Variants in MYO5B observed in about 807,000 individuals in gnomAD.
The protein encoded by MYO5B is myosin VB, also known as unconventional myosin-Vb.
In MYO5B, 143 loss-of-function variants were observed where a neutral mutation model predicts 229.3. The observed-to-expected ratio is 0.62, with a 90% confidence interval of 0.54 to 0.72. MYO5B has a LOEUF of 0.72. MYO5B is among the 30% of genes least tolerant of loss of function. The pLI is 0.00. For missense variants in MYO5B, 2,321 were observed against 2,331.0 expected, an observed-to-expected ratio of 1.00 and a Z score of 0.09; for synonymous variants, 918 against 885.2, an observed-to-expected ratio of 1.04 and a Z score of -0.66.
chr18:50,168,172 C>T (rs1024541794), intron 1 of MYO5B, among the ~76,000 whole-genome samples: 3 of 152,202 alleles, frequency 2.0e-5, no homozygotes, highest in African/African-American at 7.2e-5. Flanking sequence ...GTGCTCTTGG[C>T]TTCATCACTC....
chr18:49,925,906 C>A (rs940486648), intron 17 of MYO5B, among the ~76,000 whole-genome samples: 1 of 152,210 alleles, frequency 6.6e-6, no homozygotes, highest in Non-Finnish European at 1.5e-5. Context: ...GCCCCATCCC[C>A]TCCATCAAAA....
chr18:49,957,207 A>G, intron 12 of MYO5B, among the ~76,000 whole-genome samples: 1 of 141,432 alleles, frequency 7.1e-6, no homozygotes, highest in African/African-American at 2.7e-5. Context: ...GGGCTCCCTG[A>G]GCCCCTCTCA....
chr18:49,861,381 G>A (rs1343613573), intron 29 of MYO5B, among the ~76,000 whole-genome samples: 5 of 152,130 alleles, frequency 3.3e-5, no homozygotes, highest in Admixed American at 6.5e-5. Flanking sequence ...TCTGAAGATC[G>A]GGGAGATACG....
chr18:50,043,299 A>ATTTATATT lies in MYO5B; in HGVS notation c.139-2986_139-2985insAATATAAA, dbSNP rs1568083160. On this transcript the variant is annotated intron_variant, in intron 2 of 39. Coordinates refer to ENST00000285039, the MANE Select transcript of MYO5B (RefSeq NM_001080467.3). ...ATATTTATATTTATATATTATATATAATATATAATATAAATATATAAAATA... is the reference window on the plus strand; with the variant it reads ...ATATTTATATTTATATATTATATATATTTATATTATATATAATATAAATATATAAAATA... 3.4e-4 allele frequency among the ~76,000 whole-genome samples: 39 copies of ATTTATATT among 113,174 alleles called. 1 individual carries two copies. Among genetic ancestry groups the ATTTATATT allele is most frequent in the South Asian group, 2.6e-3 (11 of 4,196 alleles). The allele number at this position is 113,174 out of a possible 152,430, so 74.2% of individuals were successfully genotyped here.
intron 1 of MYO5B, among the ~76,000 whole-genome samples, chr18:50,124,577 C>T (rs2032126443): frequency 6.6e-6 from 1 of 152,030 alleles, no homozygotes; most frequent in Non-Finnish European, 1.5e-5. Context: ...AAGAATAATA[C>T]CCTGTAACTA....
chr18:50,078,360 C>G (rs980951564), intron 1 of MYO5B, among the ~76,000 whole-genome samples: 2 of 152,154 alleles, frequency 1.3e-5, no homozygotes, highest in African/African-American at 4.8e-5. Flanking sequence ...CGAGAAAGCA[C>G]ATTTTGGTGG....
chr18:50,028,477 G>A (rs2026354766), intron 4 of MYO5B, among the ~76,000 whole-genome samples: 1 of 152,140 alleles, frequency 6.6e-6, no homozygotes, highest in Admixed American at 6.5e-5. Flanking sequence ...TGCTCATAAG[G>A]AATGGCAGTG....
chr18:50,025,366 C>G (rs1598962188), intron 4 of MYO5B, among the ~76,000 whole-genome samples: 1 of 152,144 alleles, frequency 6.6e-6, no homozygotes, highest in East Asian at 1.9e-4. Flanking sequence ...ACCCTTCCTC[C>G]AACCAGTTCA....
intron 4 of MYO5B, among the ~76,000 whole-genome samples, chr18:50,021,710 C>T (rs1018074835): frequency 4.7e-5 from 5 of 105,566 alleles, no homozygotes; most frequent in Non-Finnish European, 9.6e-5. Context: ...CACCCCATCC[C>T]ATCTGCGTAA....
At chr18:49,972,048 G>C (rs2025697843) in intron 10 of MYO5B, among the ~76,000 whole-genome samples, 1 of 152,112 alleles carries the variant, frequency 6.6e-6, no homozygotes, top group Admixed American at 6.6e-5. Flanking sequence ...CCTCATGGAA[G>C]AGCTGTCAGA....
intron 17 of MYO5B, among the ~76,000 whole-genome samples, chr18:49,924,303 C>T (rs779054437): frequency 6.6e-6 from 1 of 152,204 alleles, no homozygotes; most frequent in Non-Finnish European, 1.5e-5. Context: ...GTGTCCAGTG[C>T]TGGCTGAGAA....
intron 1 of MYO5B, among the ~76,000 whole-genome samples, chr18:50,138,620 T>G (rs1439580176): frequency 6.6e-6 from 1 of 151,928 alleles, no homozygotes; most frequent in Non-Finnish European, 1.5e-5. Flanking sequence ...CAGTGAAATG[T>G]TGACCTTTTG....
chr18:50,145,481 G>C (rs182683161), intron 1 of MYO5B, among the ~76,000 whole-genome samples: 3 of 106,340 alleles, frequency 2.8e-5, no homozygotes, highest in African/African-American at 8.5e-5. Flanking sequence ...CTGGGCAACA[G>C]AGCAAGACTC....
At chr18:50,041,710 G>A (rs1284503469) in intron 2 of MYO5B, among the ~76,000 whole-genome samples, 1 of 152,096 alleles carries the variant, frequency 6.6e-6, no homozygotes, top group Non-Finnish European at 1.5e-5. Flanking sequence ...ATTTGTGTAA[G>A]TTTTGGAAGT....
rs1466479782 is a variant in MYO5B, at chr18:49,847,226, T to C, written c.4379A>G (p.Gln1460Arg). Reference sequence around the variant, plus strand: ...GCCCTGGAAATCCTTCTCTTTCCGCTGGACCGTGACCTGCCTGTTGAGCTC... The same window carrying C: ...GCCCTGGAAATCCTTCTCTTTCCGCCGGACCGTGACCTGCCTGTTGAGCTC... ...RHELNRQVTV[Q>R]RKEKDFQGML... Residue 1460 changes from glutamine to arginine, a missense_variant, in exon 33 of 40, where the codon CAG becomes CGG. Physicochemically the swap from Gln to Arg is conservative, Grantham distance 43 (BLOSUM62 1). Coordinates refer to ENST00000285039, the MANE Select transcript of MYO5B (RefSeq NM_001080467.3). The C allele has an allele frequency of 6.2e-7, 1 of 1,614,150 alleles. No individual in the cohort carries two copies. The highest frequency in any genetic ancestry group is 8.5e-7 in the Non-Finnish European group (1 of 1,180,042).
chr18:50,008,022 G>C (rs143169000), intron 4 of MYO5B, among the ~76,000 whole-genome samples: 174 of 152,176 alleles, frequency 1.1e-3, no homozygotes, highest in African/African-American at 4.0e-3. Context: ...AGGTTATGCT[G>C]GTGGAATTAT....
intron 1 of MYO5B, among the ~76,000 whole-genome samples, chr18:50,075,455 T>G (rs2031057085): frequency 6.6e-6 from 1 of 152,228 alleles, no homozygotes; most frequent in African/African-American, 2.4e-5. Context: ...AGGTATTTCC[T>G]AACCTTTGTC....
intron 14 of MYO5B, among the ~76,000 whole-genome samples, chr18:49,940,105 C>T (rs2025297272): frequency 6.6e-6 from 1 of 152,218 alleles, no homozygotes; most frequent in Admixed American, 6.5e-5. Flanking sequence ...TCAACAGCAT[C>T]ATGCCAAGAG....
chr18:50,102,037 G>T (rs1379079284), intron 1 of MYO5B, among the ~76,000 whole-genome samples: 4 of 152,162 alleles, frequency 2.6e-5, no homozygotes, highest in Non-Finnish European at 5.9e-5. Context: ...ATACACCACG[G>T]AATACTATGC....
Sources: allele counts gnomAD v4.1 joint callset (sites outside exome capture counted in the v4.1 genomes callset), GRCh38; gene constraint gnomAD v4.1.1; transcripts MANE v1.5; gene names NCBI Gene and HGNC (gene_info 2026-07-23, HGNC 2026-07-21).